SORCS3: variants seen among roughly 807,000 people sequenced by gnomAD.
SORCS3 encodes sortilin related VPS10 domain containing receptor 3.
A neutral mutation model predicts 146.3 loss-of-function variants in SORCS3; 57 were observed. That is an observed-to-expected ratio of 0.39 (90% CI 0.31 to 0.49). The LOEUF (loss-of-function observed/expected upper bound fraction) is 0.49, where lower values mean the gene tolerates loss of function less well. SORCS3 is among the 20% of genes least tolerant of loss of function. SORCS3 has a pLI of 0.92. For missense variants in SORCS3, 1,341 were observed against 1,575.5 expected (o/e 0.85, Z 2.52); for synonymous variants, 653 against 618.5 (o/e 1.06, Z -0.83).
chr10:104,796,119 G>A (rs947598456), intron 1 of SORCS3, among the ~76,000 whole-genome samples: 3 of 152,216 alleles, frequency 2.0e-5, no homozygotes, highest in African/African-American at 7.2e-5. Flanking sequence ...GATTGCATGA[G>A]TTGTCTCCCA....
intron 4 of SORCS3, among the ~76,000 whole-genome samples, chr10:105,036,006 C>T (rs1354031130): frequency 1.3e-5 from 2 of 152,044 alleles, no homozygotes; most frequent in Non-Finnish European, 2.9e-5. Context: ...CTACTTGAAT[C>T]CTTTAGATGA....
intron 6 of SORCS3, among the ~76,000 whole-genome samples, chr10:105,098,823 G>A (rs1404880245): frequency 6.6e-6 from 1 of 152,170 alleles, no homozygotes; most frequent in Non-Finnish European, 1.5e-5. Flanking sequence ...AGTTTATTTA[G>A]CAGGTACAGT....
chr10:104,714,092 T>C (rs1216165321), intron 1 of SORCS3, among the ~76,000 whole-genome samples: 1 of 152,200 alleles, frequency 6.6e-6, no homozygotes, highest in Non-Finnish European at 1.5e-5. Flanking sequence ...GAATCCATAA[T>C]GATGACTAGT....
intron 7 of SORCS3, among the ~76,000 whole-genome samples, chr10:105,122,277 CTA>C (rs1387691059): frequency 6.6e-6 from 1 of 152,196 alleles, no homozygotes; most frequent in Non-Finnish European, 1.5e-5. Flanking sequence ...GCCTATAACT[CTA>C]TGACCAGCTA....
In SORCS3 at chr10:104,751,924, CATATATATATATATATAT is replaced by C. The variant is rs71482435; in HGVS notation, c.628-90840_628-90823del. Among the ~76,000 whole-genome samples, 146 of 38,460 alleles carry C rather than the reference CATATATATATATATATAT, an allele frequency of 3.8e-3. 3 individuals carry two copies. The highest frequency in any genetic ancestry group is 0.016 in the South Asian group (7 of 448). 25.2% of individuals were successfully genotyped at this position (38,460 alleles called of 152,430 possible). ...AAAAAATGTAAATGCTAATAGGAAG[CATATATATATATATATAT>C]ATATATATATATATATATATATATA... On this transcript the variant is annotated intron_variant, in intron 1 of 26. Coordinates refer to ENST00000369701, the MANE Select transcript of SORCS3 (RefSeq NM_014978.3).
At chr10:105,158,751 C>T (rs1448844539) in intron 10 of SORCS3, 141 bp from the exon 11 acceptor site, 1 of 641,778 alleles carries the variant, frequency 1.6e-6, no homozygotes, top group Non-Finnish European at 2.8e-6. Context: ...GTGCGGATAT[C>T]TCCTGCCCAA....
At chr10:104,947,323 C>T (rs1364611723) in intron 3 of SORCS3, among the ~76,000 whole-genome samples, 1 of 152,070 alleles carries the variant, frequency 6.6e-6, no homozygotes, top group Non-Finnish European at 1.5e-5. Context: ...GAAATTTCTC[C>T]TCTCTCTGGG....
rs1381321780 is a variant in SORCS3, at chr10:104,967,854, T to C, written c.796-9481T>C. Among the ~76,000 whole-genome samples, 3 of 151,668 alleles carry C rather than the reference T, an allele frequency of 2.0e-5. No homozygotes were observed. The East Asian group carries it at 5.9e-4, about 30-fold the overall frequency. On this transcript the variant is annotated intron_variant, in intron 3 of 26. Coordinates refer to ENST00000369701, the MANE Select transcript of SORCS3 (RefSeq NM_014978.3). ...TTTTTTTTTTTGATAGAGTTGAGGT[T>C]TCACCAAATTGCCTAGGCTGGTTCT... is the stretch of plus-strand genomic sequence containing the variant.
chr10:105,023,911 T>C (rs1302087046), intron 4 of SORCS3, among the ~76,000 whole-genome samples: 1 of 152,042 alleles, frequency 6.6e-6, no homozygotes, highest in African/African-American at 2.4e-5. Context: ...AGTATGAAAT[T>C]ATCAAACCGT....
intron 1 of SORCS3, among the ~76,000 whole-genome samples, chr10:104,642,806 T>G (rs1205797747): frequency 2.6e-5 from 4 of 152,070 alleles, no homozygotes; most frequent in African/African-American, 9.7e-5. Flanking sequence ...CACCCGCTTT[T>G]CCCCGCCACC....
chr10:105,248,852 C>T (rs751527618), intron 22 of SORCS3, among the ~76,000 whole-genome samples: 7 of 151,968 alleles, frequency 4.6e-5, no homozygotes, highest in Non-Finnish European at 8.8e-5. Flanking sequence ...GTTTGAGAGA[C>T]CAAAAGAAGC....
At chr10:104,711,582 C>T (rs1447894721) in intron 1 of SORCS3, among the ~76,000 whole-genome samples, 1 of 152,246 alleles carries the variant, frequency 6.6e-6, no homozygotes, top group Non-Finnish European at 1.5e-5. Context: ...GCTCAGGCCA[C>T]ACTCACTTTC....
At chr10:105,127,973 T>G (rs2055988332) in intron 7 of SORCS3, among the ~76,000 whole-genome samples, 1 of 152,184 alleles carries the variant, frequency 6.6e-6, no homozygotes, top group Non-Finnish European at 1.5e-5. Context: ...TTAGGCTCAT[T>G]CAGGGCTGCA....
intron 1 of SORCS3, among the ~76,000 whole-genome samples, chr10:104,710,517 A>G (rs538827767): frequency 6.6e-6 from 1 of 152,362 alleles, no homozygotes; most frequent in East Asian, 1.9e-4. Context: ...GAGCAAAGCA[A>G]CATAATACAT....
chr10:105,242,645 TA>T (rs2056838168), intron 20 of SORCS3, among the ~76,000 whole-genome samples: 1 of 95,284 alleles, frequency 1.0e-5, no homozygotes, highest in African/African-American at 4.1e-5. Flanking sequence ...CATTTATATA[TA>T]TATTTATATA....
At chr10:105,001,418 G>T (rs747398761) in intron 4 of SORCS3, among the ~76,000 whole-genome samples, 1 of 152,230 alleles carries the variant, frequency 6.6e-6, no homozygotes, top group Non-Finnish European at 1.5e-5. Context: ...AGAACAGATT[G>T]TGTCTAAGTG....
intron 1 of SORCS3, among the ~76,000 whole-genome samples, chr10:104,832,326 T>C (rs1321748992): frequency 6.6e-6 from 1 of 152,138 alleles, no homozygotes; most frequent in African/African-American, 2.4e-5. Context: ...TAGGAACAAA[T>C]CATCCCAGCT....
At chr10:105,152,993 T>C (rs966216583) in intron 9 of SORCS3, among the ~76,000 whole-genome samples, 2 of 152,148 alleles carry the variant, frequency 1.3e-5, no homozygotes, top group Non-Finnish European at 2.9e-5. Flanking sequence ...AATTTACCCT[T>C]TTAGTATAAG....
chr10:105,224,196 A>G (rs1458646936), intron 20 of SORCS3, among the ~76,000 whole-genome samples: 1 of 152,220 alleles, frequency 6.6e-6, no homozygotes, highest in African/African-American at 2.4e-5. Context: ...AGTATCAAAA[A>G]GAAGGGTTTC....
Sources: gnomAD v4.1 joint callset for allele counts (sites outside exome capture counted in the v4.1 genomes callset) on GRCh38, gnomAD v4.1.1 for gene constraint, MANE v1.5 for transcripts, NCBI Gene and HGNC (gene_info 2026-07-23, HGNC 2026-07-21) for gene names.